Variants in CUL2 observed in about 807,000 individuals in gnomAD.
The protein encoded by CUL2 is cullin-2.
A neutral mutation model predicts 110.2 loss-of-function variants in CUL2; 22 were observed. That is an observed-to-expected ratio of 0.20 (90% CI 0.14 to 0.28). CUL2 has a LOEUF of 0.28. Among genes scored for constraint, CUL2 ranks in the 10% least tolerant of loss-of-function variants. The pLI is 1.00. For missense variants in CUL2, 631 were observed against 905.5 expected (o/e 0.70, Z 3.89); for synonymous variants, 279 against 293.2 (o/e 0.95, Z 0.49).
At position 35,010,319 on chromosome 10, in the gene CUL2, C is replaced by T. The variant is rs376961810; in HGVS notation, c.2230G>A (p.Val744Ile). 6.8e-6 allele frequency: 11 copies of T among 1,608,750 alleles called. No individual in the cohort carries two copies. The highest frequency in any genetic ancestry group is 2.7e-5 in the African/African-American group (2 of 74,568). The change falls in exon 21 of 21, where the codon GTC becomes ATC. Residue 744 changes from valine (V) to isoleucine (I), a missense_variant. Val to Ile is a conservative substitution (Grantham distance 29). Around this residue, in one of 3 missense-constraint regions of CUL2, gnomAD observed 159 missense variants for 202.7 expected, o/e 0.78. Transcript: ENST00000374749. The stretch of plus-strand genomic sequence containing the variant: ...GCTGGAGGAGAGCGACATCACGCGA[C>T]GTAGCTGTATTCATCTGCCGACGCC... ...SQASADEYSY[V>I]A is the part of the protein sequence containing the mutation.
intron 1 of CUL2, among the ~76,000 whole-genome samples, chr10:35,080,703 C>T (rs1353670225): frequency 6.6e-6 from 1 of 152,052 alleles, no homozygotes; most frequent in East Asian, 1.9e-4. Flanking sequence ...CTTCCACCAG[C>T]CTTGGCCTCC....
chr10:35,093,485 C>G (rs931232910), upstream of CUL2, among the ~76,000 whole-genome samples: 1 of 151,154 alleles, frequency 6.6e-6, no homozygotes, highest in African/African-American at 2.4e-5. Context: ...ATAGCAAAAC[C>G]CCATCTCTAC....
intron 2 of CUL2, among the ~76,000 whole-genome samples, chr10:35,068,526 G>A (rs1208537382): frequency 1.3e-5 from 2 of 152,140 alleles, no homozygotes; most frequent in Admixed American, 6.6e-5. Context: ...CACGTGTTTC[G>A]GGTGGGGGTT....
intron 1 of CUL2, among the ~76,000 whole-genome samples, chr10:35,087,012 C>T (rs2087081863): frequency 6.6e-6 from 1 of 152,110 alleles, no homozygotes; most frequent in African/African-American, 2.4e-5. Context: ...GACAAGGGTA[C>T]AAGAAGTGGA....
intron 18 of CUL2, among the ~76,000 whole-genome samples, chr10:35,015,932 AT>A (rs2085018435): frequency 6.6e-6 from 1 of 152,240 alleles, no homozygotes; most frequent in Non-Finnish European, 1.5e-5. Flanking sequence ...CCAGATGGCA[AT>A]TCTTTTACAA....
chr10:35,036,545 T>A (rs2085625521), intron 9 of CUL2, among the ~76,000 whole-genome samples: 1 of 152,202 alleles, frequency 6.6e-6, no homozygotes, highest in African/African-American at 2.4e-5. Flanking sequence ...CCCAAAGTAG[T>A]TGCATCAATT....
chr10:35,037,074 C>T (rs991155915), intron 9 of CUL2, among the ~76,000 whole-genome samples: 1 of 152,098 alleles, frequency 6.6e-6, no homozygotes, highest in Non-Finnish European at 1.5e-5. Flanking sequence ...TTTTTGTGTC[C>T]TATTTAAAAT....
At chr10:35,110,670 G>C (rs2087513555) in intron 1 of CUL2, among the ~76,000 whole-genome samples, 1 of 152,158 alleles carries the variant, frequency 6.6e-6, no homozygotes, top group Non-Finnish European at 1.5e-5. Flanking sequence ...GGGCCTAAGG[G>C]AGGAGTCTGT....
At chr10:35,016,157 A>C (rs2085026877) in intron 18 of CUL2, 35 bp downstream of exon 18, 2 of 1,549,202 alleles carry the variant, frequency 1.3e-6, no homozygotes. Flanking sequence ...TTTAATGCTG[A>C]TGATGCTTAA....
intron 3 of CUL2, among the ~76,000 whole-genome samples, chr10:35,062,229 C>G (rs965980856): frequency 5.3e-5 from 8 of 152,108 alleles, no homozygotes; most frequent in African/African-American, 1.9e-4. Flanking sequence ...CTATGTACAG[C>G]ATACTAATAA....
chr10:35,075,736 T>C lies in CUL2; in HGVS notation c.-22-4397A>G, dbSNP rs928782198. ...AAATAAAAATTTATATTTAATTACCTGTTTCCAGAAAACATTATGTCAACA... is the reference window on the plus strand; with the variant it reads ...AAATAAAAATTTATATTTAATTACCCGTTTCCAGAAAACATTATGTCAACA... On this transcript the variant is annotated intron_variant, in intron 1 of 20. Transcript: ENST00000374749. Among the ~76,000 whole-genome samples the C allele has an allele frequency of 3.5e-4, 53 of 152,224 alleles. 1 individual carries two copies. Among genetic ancestry groups the C allele is most frequent in the African/African-American group, 1.3e-3 (52 of 41,532 alleles).
intron 4 of CUL2, among the ~76,000 whole-genome samples, chr10:35,055,714 TC>T (rs2086225078): frequency 6.6e-6 from 1 of 152,192 alleles, no homozygotes; most frequent in Admixed American, 6.5e-5. Flanking sequence ...TTTAGTGTCC[TC>T]TGACCATAAG....
intron 2 of CUL2, among the ~76,000 whole-genome samples, chr10:35,065,112 TTC>T (rs2086483423): frequency 6.6e-6 from 1 of 152,236 alleles, no homozygotes; most frequent in African/African-American, 2.4e-5. Flanking sequence ...ATTAACTATG[TTC>T]TTTTTCTCTA....
chr10:35,012,053 C>CT (rs5784438), intron 19 of CUL2, 89 bp from the exon 20 acceptor site: 19,115 of 475,078 alleles, frequency 0.04, 3 homozygotes, highest in Non-Finnish European at 0.045. Context: ...AGTGCAAATA[C>CT]TTTTTTTTTT....
intron 1 of CUL2, among the ~76,000 whole-genome samples, chr10:35,081,754 G>A (rs550157537): frequency 6.6e-6 from 1 of 152,234 alleles, no homozygotes; most frequent in African/African-American, 2.4e-5. Flanking sequence ...TCAGCCAGGT[G>A]TGGTGGCATG....
At position 35,112,017 on chromosome 10, in the gene CUL2, C is replaced by T. The variant is rs558217810; in HGVS notation, c.-50-10957G>A. Among the ~76,000 whole-genome samples, 33 of 152,298 alleles carry T rather than the reference C, an allele frequency of 2.2e-4. No homozygotes were observed. The South Asian group carries it at 6.4e-3, about 30-fold the overall frequency. ...CAAGGGTCTATGTGTAGAGAAGAACCTGAAGGCCTCATTACTCCTTGTATA... is the reference window on the plus strand; with the variant it reads ...CAAGGGTCTATGTGTAGAGAAGAACTTGAAGGCCTCATTACTCCTTGTATA... On this transcript the variant is annotated intron_variant, in intron 1 of 5. Coordinates refer to the CUL2 transcript ENST00000685421.
At chr10:35,032,572 G>C in intron 11 of CUL2, 78 bp from the exon 12 acceptor site, 1 of 1,125,800 alleles carries the variant, frequency 8.9e-7, no homozygotes. Flanking sequence ...GCCATAATCT[G>C]TACATCCAAA....
upstream of CUL2, chr10:35,090,534 G>C (rs534826188): frequency 1.3e-5 from 2 of 152,714 alleles, no homozygotes; most frequent in African/African-American, 2.4e-5. Flanking sequence ...GGCCGATCAC[G>C]GGATCCGTAA....
chr10:35,059,355 A>G (rs1173850032), intron 4 of CUL2, among the ~76,000 whole-genome samples: 2 of 152,154 alleles, frequency 1.3e-5, no homozygotes, highest in East Asian at 1.9e-4. Context: ...AGCCTCCCCA[A>G]CCTTCAGCAA....
Sources: allele counts gnomAD v4.1 joint callset (sites outside exome capture counted in the v4.1 genomes callset), GRCh38; gene constraint gnomAD v4.1.1; regional missense constraint gnomAD v4.1.1; transcripts MANE v1.5; gene names NCBI Gene and HGNC (gene_info 2026-07-23, HGNC 2026-07-21).